The following GNG7 variants were observed in gnomAD, a reference collection of about 807,000 sequenced individuals.
The protein encoded by GNG7 is guanine nucleotide-binding protein G(I)/G(S)/G(O) subunit gamma-7.
GNG7 carries 1 observed loss-of-function variant against 4.0 expected under a neutral mutation model. The ratio of observed to expected loss-of-function variants is 0.25; its 90% CI spans 0.09 to 1.18. GNG7 has a LOEUF of 1.18. Ranked by LOEUF, GNG7 falls within the 50% of genes most tolerant of loss-of-function variation. The probability of loss-of-function intolerance (pLI) is 0.50; values close to 1 mark genes in which losing one functional copy is unlikely to be tolerated. For synonymous variants in GNG7, 34 were observed against 36.9 expected (o/e 0.92, Z 0.29); for missense variants, 86 against 91.9 (o/e 0.94, Z 0.26).
Position 2,520,388 on chromosome 19 carries a change from G to T in GNG7, c.81+220C>A, listed in dbSNP as rs150461378. ...GGGCCCCAGTGTGTTTACAAAGCAC[G>T]TTACATTGCTGCACGAAGGCAGGAG... is the stretch of plus-strand genomic sequence containing the variant. On this transcript the variant is annotated intron_variant, in intron 4 of 4. Coordinates refer to ENST00000382159, the MANE Select transcript of GNG7 (RefSeq NM_052847.3). Among the ~76,000 whole-genome samples the T allele has an allele frequency of 2.2e-4, 33 of 152,318 alleles. No individual in the cohort carries two copies. In the East Asian group the frequency reaches 6.2e-3, roughly 29 times the overall value.
In GNG7 at chr19:2,527,506, G is replaced by T. The variant is rs529073235; in HGVS notation, c.-37-6781C>A. Among the ~76,000 whole-genome samples the T allele has an allele frequency of 7.2e-5, 11 of 152,348 alleles. No individual in the cohort carries two copies. In the South Asian group the frequency reaches 2.3e-3, roughly 32 times the overall value. ...GTGTGGCCTAAACGTTTGCTGAGCAGATGGCTGAGCAGACAAAGACCCAAA... is the reference window on the plus strand; with the variant it reads ...GTGTGGCCTAAACGTTTGCTGAGCATATGGCTGAGCAGACAAAGACCCAAA... On this transcript the variant is annotated intron_variant, in intron 3 of 4. Transcript: ENST00000382159.
At chr19:2,640,438 G>A (rs777158719) in intron 2 of GNG7, among the ~76,000 whole-genome samples, 2 of 152,104 alleles carry the variant, frequency 1.3e-5, no homozygotes, top group African/African-American at 2.4e-5. Flanking sequence ...GAGGTTTCTC[G>A]ACAAGGAAAG....
intron 1 of GNG7, among the ~76,000 whole-genome samples, chr19:2,649,678 G>A (rs1031761429): frequency 1.3e-5 from 2 of 151,984 alleles, no homozygotes; most frequent in Non-Finnish European, 2.9e-5. Context: ...GTGAGCCACC[G>A]CGCCCAGCCA....
At chr19:2,599,958 T>C (rs563871276) in intron 2 of GNG7, among the ~76,000 whole-genome samples, 1 of 151,794 alleles carries the variant, frequency 6.6e-6, no homozygotes, top group Admixed American at 6.6e-5. Context: ...AAAATTAGAT[T>C]GTGGTAATGG....
At chr19:2,527,929 A>C (rs1346221255) in intron 3 of GNG7, among the ~76,000 whole-genome samples, 1 of 152,178 alleles carries the variant, frequency 6.6e-6, no homozygotes, top group Non-Finnish European at 1.5e-5. Context: ...CAAAACGCAA[A>C]GAGTTTGAAC....
At chr19:2,605,938 T>A (rs1008735986) in intron 2 of GNG7, among the ~76,000 whole-genome samples, 1 of 152,158 alleles carries the variant, frequency 6.6e-6, no homozygotes, top group African/African-American at 2.4e-5. Flanking sequence ...AAGGGAAAAT[T>A]CACAGGTTCC....
intron 1 of GNG7, among the ~76,000 whole-genome samples, chr19:2,676,771 A>G (rs1463321820): frequency 6.7e-6 from 1 of 150,368 alleles, no homozygotes. Flanking sequence ...GAGGTTCAGG[A>G]GCTTGCACCA....
chr19:2,699,147 C>CTTTTTTT (rs371884402), intron 1 of GNG7, among the ~76,000 whole-genome samples: 1 of 128,524 alleles, frequency 7.8e-6, no homozygotes, highest in African/African-American at 2.9e-5. Flanking sequence ...AAGGAGTAGC[C>CTTTTTTT]TTTTTTTTTT....
chr19:2,578,013 T>A (rs1390972885), intron 2 of GNG7, among the ~76,000 whole-genome samples: 2 of 151,738 alleles, frequency 1.3e-5, no homozygotes, highest in African/African-American at 4.8e-5. Context: ...AATTCTTTTA[T>A]TTTTTTGTAG....
chr19:2,657,349 AAAAAAAAAAAAAATATATATATAT>A lies in GNG7; in HGVS notation c.-134-11093_-134-11070del, dbSNP rs1205974825. On this transcript the variant is annotated intron_variant, in intron 1 of 4. Transcript: ENST00000382159. The stretch of plus-strand genomic sequence containing the variant: ...ACCCCGTCTCAATTAAAAAAAAAAA[AAAAAAAAAAAAAATATATATATAT>A]ATATATATATATATATATATATATA... Among the ~76,000 whole-genome samples, 38 of 19,670 alleles carry A rather than the reference AAAAAAAAAAAAAATATATATATAT, an allele frequency of 1.9e-3. 5 individuals are homozygous for A. The highest frequency in any genetic ancestry group is 4.0e-3 in the African/African-American group (36 of 9,076). 12.9% of individuals were successfully genotyped at this position (19,670 alleles called of 152,430 possible).
At chr19:2,643,317 G>C (rs933793238) in intron 2 of GNG7, 4 of 422,434 alleles carry the variant, frequency 9.5e-6, no homozygotes, top group Admixed American at 7.9e-5. Flanking sequence ...AGACCTCCCC[G>C]GACTCTGCAC....
Position 2,557,243 on chromosome 19 carries a change from GTGCACACACACGTGCACACACATT to G in GNG7, c.-77-2079_-77-2056del, listed in dbSNP as rs1979585913. ...CACACATGCACACACAGACGCACAT[GTGCACACACACGTGCACACACATT>G]TGCACACACAGACACGTGCACACAC... is the stretch of plus-strand genomic sequence containing the variant. On this transcript the variant is annotated intron_variant, in intron 2 of 4. Transcript: ENST00000382159. The surrounding 1 kb of genome is among the most constrained non-coding windows in gnomAD (Gnocchi z 5.1). 6.7e-6 allele frequency among the ~76,000 whole-genome samples: 1 copy of G among 148,830 alleles called. No individual in the cohort carries two copies. Among genetic ancestry groups the G allele is most frequent in the South Asian group, 2.1e-4 (1 of 4,680 alleles).
chr19:2,587,908 GGA>G (rs563501755), intron 2 of GNG7, among the ~76,000 whole-genome samples: 2 of 149,604 alleles, frequency 1.3e-5, no homozygotes, highest in South Asian at 2.1e-4. Flanking sequence ...AAGAAAAGAA[GGA>G]GAGAGAGAGA....
chr19:2,526,241 A>C (rs1181774582), intron 3 of GNG7, among the ~76,000 whole-genome samples: 1 of 151,646 alleles, frequency 6.6e-6, no homozygotes, highest in Non-Finnish European at 1.5e-5. Context: ...GAGTGCTGGG[A>C]TTAAAGGCGT....
At chr19:2,550,586 A>AC in intron 3 of GNG7, among the ~76,000 whole-genome samples, 1 of 152,194 alleles carries the variant, frequency 6.6e-6, no homozygotes, top group Non-Finnish European at 1.5e-5. Context: ...AGGGAGAGTG[A>AC]CCATGGCCCT....
At chr19:2,640,637 T>G (rs1247318661) in intron 2 of GNG7, among the ~76,000 whole-genome samples, 1 of 152,100 alleles carries the variant, frequency 6.6e-6, no homozygotes, top group African/African-American at 2.4e-5. Context: ...TAGCTGTTGC[T>G]TTTTTTGGAG....
chr19:2,643,081 G>C lies in GNG7; in HGVS notation c.-78+3143C>G, dbSNP rs1305504419. ...CTCTCCGGGCTCTGCACACCTTTCC[G>C]CCTTGCGCCATTGGCACCGGAAATG... is the stretch of plus-strand genomic sequence containing the variant. On this transcript the variant is annotated intron_variant, in intron 2 of 4. Transcript: ENST00000382159. 8.9e-6 allele frequency: 4 copies of C among 450,330 alleles called. No individual in the cohort carries two copies. In the Admixed American group the frequency reaches 9.6e-5, roughly 11 times the overall value. The allele number at this position is 450,330 out of a possible 1,614,324, so 27.9% of individuals were successfully genotyped here.
intron 2 of GNG7, among the ~76,000 whole-genome samples, chr19:2,645,500 A>C (rs1270228178): frequency 1.3e-5 from 2 of 151,702 alleles, no homozygotes; most frequent in Admixed American, 6.6e-5. Context: ...CGGCCTCCCA[A>C]AGTGCTGGGA....
chr19:2,610,218 T>C (rs1197209001), intron 2 of GNG7: 1 of 151,820 alleles, frequency 6.6e-6, no homozygotes, highest in Non-Finnish European at 1.5e-5. Flanking sequence ...TGGAGTGCAG[T>C]GGTGCAATCA....
Sources: gnomAD v4.1 joint callset for allele counts (sites outside exome capture counted in the v4.1 genomes callset) on GRCh38, gnomAD v4.1.1 for gene constraint, Gnocchi (gnomAD v3.1) non-coding constraint, MANE v1.5 for transcripts, NCBI Gene and HGNC (gene_info 2026-07-23, HGNC 2026-07-21) for gene names.